Variants in GABBR2 observed in about 807,000 individuals in gnomAD.
GABBR2 encodes the protein G-protein coupled receptor 51.
GABBR2 carries 23 observed loss-of-function variants against 105.6 expected under a neutral mutation model. That is an observed-to-expected ratio of 0.22 (90% CI 0.16 to 0.31). The LOEUF (loss-of-function observed/expected upper bound fraction) is 0.31. Ranked by LOEUF, GABBR2 falls within the 10% of genes least tolerant of loss-of-function variation. GABBR2 has a pLI of 1.00. For missense variants in GABBR2, 734 were observed against 1,245.5 expected (o/e 0.59, Z 6.18); for synonymous variants, 478 against 499.7 (o/e 0.96, Z 0.58).
At chr9:98,367,852 C>G (rs772321884) in intron 12 of GABBR2, among the ~76,000 whole-genome samples, 1 of 152,046 alleles carries the variant, frequency 6.6e-6, no homozygotes, top group Non-Finnish European at 1.5e-5. Context: ...TTGTGACAGG[C>G]GTAGTTCAAA....
chr9:98,300,316 G>A lies in GABBR2; in HGVS notation c.2413-963C>T, dbSNP rs180804922. Reference sequence around the variant, plus strand: ...CAGGATGGGTCCCAGTCATCCCCACGTTTTTATTTTTAGAGACAAGTCTTC... The same window carrying A: ...CAGGATGGGTCCCAGTCATCCCCACATTTTTATTTTTAGAGACAAGTCTTC... On this transcript the variant is annotated intron_variant, in intron 16 of 18. Coordinates refer to ENST00000259455, the MANE Select transcript of GABBR2 (RefSeq NM_005458.8). Among the ~76,000 whole-genome samples the A allele has an allele frequency of 4.9e-4, 74 of 151,256 alleles. 1 individual carries two copies. The East Asian group carries it at 7.4e-3, about 15-fold the overall frequency.
chr9:98,659,335 GT>G (rs1272542790), intron 1 of GABBR2, among the ~76,000 whole-genome samples: 2 of 151,838 alleles, frequency 1.3e-5, no homozygotes, highest in East Asian at 3.9e-4. Flanking sequence ...CATCTTTTTT[GT>G]TTGTTTTACA....
chr9:98,461,165 A>T (rs1826418309), intron 6 of GABBR2, among the ~76,000 whole-genome samples: 1 of 152,254 alleles, frequency 6.6e-6, no homozygotes, highest in African/African-American at 2.4e-5. Flanking sequence ...CAGAAAAATA[A>T]TAGTAACAAT....
chr9:98,594,743 A>T (rs1829206941), intron 1 of GABBR2, among the ~76,000 whole-genome samples: 1 of 152,352 alleles, frequency 6.6e-6, no homozygotes, highest in African/African-American at 2.4e-5. Context: ...CAAAGTCCAC[A>T]TCTGATAGGG....
chr9:98,382,690 G>C (rs574352075), intron 11 of GABBR2, among the ~76,000 whole-genome samples: 6 of 152,202 alleles, frequency 3.9e-5, no homozygotes, highest in South Asian at 4.1e-4. Flanking sequence ...AGATGGAAGA[G>C]AGAAATCCTC....
rs1441542258 is a variant in GABBR2 at position 98,542,002 on chromosome 9, T to C, written c.501A>G (p.Lys167=). 3 of 1,614,092 alleles carry C rather than the reference T, an allele frequency of 1.9e-6. No individual in the cohort carries two copies. The highest frequency in any genetic ancestry group is 2.5e-6 in the Non-Finnish European group (3 of 1,180,020). Reference sequence around the variant, plus strand: ...CGGTCCGAAAGAAATAAGGGTATTTTTTCTTATCGGCTAGAACAGGCGTGG... The same window carrying C: ...CGGTCCGAAAGAAATAAGGGTATTTCTTCTTATCGGCTAGAACAGGCGTGG... ...AATTPVLADK[K]KYPYFFRTVP... is the part of the protein sequence containing the mutation. The change falls in exon 3 of 19, where the codon AAA becomes AAG. Residue 167 remains lysine, a synonymous_variant. Transcript: ENST00000259455.
chr9:98,498,989 C>T (rs1002962227), intron 3 of GABBR2, among the ~76,000 whole-genome samples: 2 of 152,228 alleles, frequency 1.3e-5, no homozygotes, highest in Non-Finnish European at 2.9e-5. Flanking sequence ...GCATGGCACC[C>T]ACATTCCAAG....
intron 1 of GABBR2, among the ~76,000 whole-genome samples, chr9:98,704,544 A>G (rs956260100): frequency 2.0e-5 from 3 of 152,244 alleles, no homozygotes; most frequent in African/African-American, 7.2e-5. Context: ...GACATGGGGA[A>G]AAACCCATGA....
At position 98,393,483 on chromosome 9, in the gene GABBR2, T is replaced by A. The variant is rs1331326569; in HGVS notation, c.1378+692A>T. On this transcript the variant is annotated intron_variant, in intron 9 of 18. Coordinates refer to ENST00000259455, the MANE Select transcript of GABBR2 (RefSeq NM_005458.8). ...TCCACCCAACCATCCATCCATCCACTCATCCACCAGCCCACCCACCCATCC... is the reference window on the plus strand; with the variant it reads ...TCCACCCAACCATCCATCCATCCACACATCCACCAGCCCACCCACCCATCC... 4.2e-5 allele frequency among the ~76,000 whole-genome samples: 6 copies of A among 142,982 alleles called. No homozygotes were observed. In the East Asian group the frequency reaches 1.3e-3, roughly 30 times the overall value. 93.8% of individuals were successfully genotyped at this position (142,982 alleles called of 152,430 possible). A position where few individuals can be genotyped will look rare whatever the true frequency, so the allele number is the denominator to read the frequency against.
chr9:98,380,211 C>T (rs974605908), intron 11 of GABBR2, among the ~76,000 whole-genome samples: 6 of 152,144 alleles, frequency 3.9e-5, no homozygotes, highest in Non-Finnish European at 8.8e-5. Flanking sequence ...CTTGGTGACT[C>T]GCAGAGGCTG....
intron 3 of GABBR2, among the ~76,000 whole-genome samples, chr9:98,529,539 G>A (rs1161257369): frequency 2.0e-5 from 3 of 152,160 alleles, no homozygotes; most frequent in African/African-American, 7.2e-5. Context: ...GGTAGGTTAT[G>A]GCCAATTTTA....
chr9:98,434,733 G>T (rs2131577927), intron 7 of GABBR2, among the ~76,000 whole-genome samples: 1 of 152,196 alleles, frequency 6.6e-6, no homozygotes, highest in African/African-American at 2.4e-5. Flanking sequence ...ATGCATTTTG[G>T]GGCACTGGGG....
chr9:98,303,370 C>A lies in GABBR2; in HGVS notation c.2283G>T (p.Gln761His). The A allele has an allele frequency of 6.2e-7, 1 of 1,614,162 alleles. No homozygotes were observed. The highest frequency in any genetic ancestry group is 8.5e-7 in the Non-Finnish European group (1 of 1,179,968). Residue 761 changes from glutamine to histidine, a missense_variant, in exon 16 of 19, where the codon CAG (glutamine) becomes CAT (histidine). Gln to His is a conservative substitution (Grantham distance 24). Coordinates refer to ENST00000259455, the MANE Select transcript of GABBR2 (RefSeq NM_005458.8). ...PDAATQNRRF[Q>H]FTQNQKKEDS... ...CTTCTTTCTTCTGATTCTGAGTGAA[C>A]TGGAATCGCCTGTTCTGCGTTGCTG...
At chr9:98,677,133 T>TACTGCACTATTTGGAGCCCA (rs1203771237) in intron 1 of GABBR2, among the ~76,000 whole-genome samples, 1 of 152,242 alleles carries the variant, frequency 6.6e-6, no homozygotes, top group Non-Finnish European at 1.5e-5. Context: ...CCAAGAAGAC[T>TACTGCACTATTTGGAGCCCA]ACTGCACTAT....
At chr9:98,364,717 C>T (rs1831646689) in intron 12 of GABBR2, among the ~76,000 whole-genome samples, 1 of 151,716 alleles carries the variant, frequency 6.6e-6, no homozygotes, top group Non-Finnish European at 1.5e-5. Flanking sequence ...TCTCCTGCCT[C>T]AGCCTCCTGA....
intron 2 of GABBR2, chr9:98,555,934 G>A (rs1472562034): frequency 1.3e-5 from 2 of 152,170 alleles, no homozygotes; most frequent in Admixed American, 1.3e-4. Flanking sequence ...GGGCAGCCAG[G>A]CCCACTTCAC....
intron 1 of GABBR2, among the ~76,000 whole-genome samples, chr9:98,707,076 G>T (rs1830905138): frequency 6.6e-6 from 1 of 152,214 alleles, no homozygotes; most frequent in South Asian, 2.1e-4. Context: ...TATTTACAGC[G>T]CAGAGCAAGC....
chr9:98,394,574 G>A (rs1000499045), intron 8 of GABBR2, among the ~76,000 whole-genome samples: 4 of 152,202 alleles, frequency 2.6e-5, no homozygotes, highest in African/African-American at 4.8e-5. Flanking sequence ...ATGTTTCCCT[G>A]TAACATTCCC....
At chr9:98,544,098 A>C (rs1170853314) in intron 2 of GABBR2, among the ~76,000 whole-genome samples, 2 of 151,686 alleles carry the variant, frequency 1.3e-5, no homozygotes, top group Non-Finnish European at 2.9e-5. Flanking sequence ...AAGCAAGCTC[A>C]ATCTTTGCTG....
Sources: allele counts gnomAD v4.1 joint callset (sites outside exome capture counted in the v4.1 genomes callset), GRCh38; gene constraint gnomAD v4.1.1; transcripts MANE v1.5; gene names NCBI Gene and HGNC (gene_info 2026-07-23, HGNC 2026-07-21).